The following KHDRBS2 variants were observed in gnomAD, a reference collection of about 807,000 sequenced individuals.
KHDRBS2 encodes KH RNA binding domain containing, signal transduction associated 2.
A neutral mutation model predicts 44.3 loss-of-function variants in KHDRBS2; 26 were observed. The observed-to-expected ratio is 0.59, with a 90% confidence interval of 0.43 to 0.81. The LOEUF (loss-of-function observed/expected upper bound fraction) is 0.81, where lower values mean the gene tolerates loss of function less well. Among genes scored for constraint, KHDRBS2 ranks in the 40% least tolerant of loss-of-function variants. The pLI is 0.00. For synonymous variants in KHDRBS2, 194 were observed against 151.1 expected, an observed-to-expected ratio of 1.28 and a Z score of -2.08; for missense variants, 476 against 433.1, an observed-to-expected ratio of 1.10 and a Z score of -0.88.
At position 61,680,774 on chromosome 6, in the gene KHDRBS2, A is replaced by G. The variant is rs1561962370; in HGVS notation, c.*189T>C. The stretch of plus-strand genomic sequence containing the variant: ...TTTTCAGTCTGTTTTGTAAAATAAT[A>G]CTAGTGTCAATGTCACGCCAACAGT... On this transcript the variant is annotated 3_prime_UTR_variant, in exon 9 of 9. Transcript: ENST00000281156. The G allele has an allele frequency of 2.2e-6, 1 of 459,030 alleles. No homozygotes were observed. Among genetic ancestry groups the G allele is most frequent in the Non-Finnish European group, 3.9e-6 (1 of 255,992 alleles). 28.4% of individuals were successfully genotyped at this position (459,030 alleles called of 1,614,324 possible). A position where few individuals can be genotyped will look rare whatever the true frequency, so the allele number is the denominator to read the frequency against.
intron 1 of KHDRBS2, among the ~76,000 whole-genome samples, chr6:62,185,018 C>T (rs1483182146): frequency 1.3e-5 from 2 of 151,838 alleles, no homozygotes; most frequent in East Asian, 3.9e-4. Context: ...CACCTGCTGG[C>T]TACATGATCT....
chr6:61,891,622 G>A (rs955341658), intron 6 of KHDRBS2, among the ~76,000 whole-genome samples: 1 of 152,046 alleles, frequency 6.6e-6, no homozygotes, highest in Admixed American at 6.6e-5. Flanking sequence ...ACATAACCCA[G>A]CATATAAACA....
chr6:62,201,173 A>G (rs1826905668), intron 1 of KHDRBS2, among the ~76,000 whole-genome samples: 1 of 152,138 alleles, frequency 6.6e-6, no homozygotes, highest in Non-Finnish European at 1.5e-5. Context: ...AACATGGTAC[A>G]TGTATACATA....
chr6:61,605,407 T>C, the KHDRBS2 span, among the ~76,000 whole-genome samples: 1 of 152,180 alleles, frequency 6.6e-6, no homozygotes, highest in African/African-American at 2.4e-5. Context: ...AAACCGCCAC[T>C]CTTAACTCTT....
At chr6:61,965,337 A>C (rs1444745850) in intron 4 of KHDRBS2, among the ~76,000 whole-genome samples, 1 of 152,050 alleles carries the variant, frequency 6.6e-6, no homozygotes, top group Non-Finnish European at 1.5e-5. Context: ...GGTATGGTCA[A>C]CCGCTAGGAC....
At chr6:62,172,094 A>C (rs1415272860) in intron 2 of KHDRBS2, among the ~76,000 whole-genome samples, 2 of 152,164 alleles carry the variant, frequency 1.3e-5, no homozygotes. Context: ...CCTTGAATAT[A>C]AATGGGTGAA....
intron 6 of KHDRBS2, among the ~76,000 whole-genome samples, chr6:61,803,858 A>G (rs1037151990): frequency 6.6e-6 from 1 of 152,042 alleles, no homozygotes; most frequent in African/African-American, 2.4e-5. Flanking sequence ...CAAGAACAGC[A>G]TAGGGGTATC....
chr6:62,075,512 T>C (rs1337176495), intron 2 of KHDRBS2, among the ~76,000 whole-genome samples: 1 of 151,974 alleles, frequency 6.6e-6, no homozygotes, highest in Non-Finnish European at 1.5e-5. Context: ...TTAATGGCTT[T>C]AGTTTGAAAA....
intron 6 of KHDRBS2, among the ~76,000 whole-genome samples, chr6:61,755,678 G>C (rs1452832066): frequency 6.6e-6 from 1 of 151,828 alleles, no homozygotes; most frequent in Non-Finnish European, 1.5e-5. Context: ...GGGTGTGGTG[G>C]TGTGTGCCTG....
chr6:61,990,028 C>A (rs1249943877), intron 3 of KHDRBS2, among the ~76,000 whole-genome samples: 1 of 152,140 alleles, frequency 6.6e-6, no homozygotes, highest in African/African-American at 2.4e-5. Context: ...GCACCAGTTG[C>A]CCACAGTTTT....
rs561762521 is a variant in KHDRBS2 at position 62,072,150 on chromosome 6, A to G, written c.220-24156T>C. Among the ~76,000 whole-genome samples, 6 of 151,988 alleles carry G rather than the reference A, an allele frequency of 3.9e-5. No individual in the cohort carries two copies. The South Asian group carries it at 1.0e-3, about 26-fold the overall frequency. ...TGATTTGGCTCTCTGTTTGTCTGTTATTGGTGTATAAGAGTGCTTGTGATT... is the reference window on the plus strand; with the variant it reads ...TGATTTGGCTCTCTGTTTGTCTGTTGTTGGTGTATAAGAGTGCTTGTGATT... On this transcript the variant is annotated intron_variant, in intron 2 of 8. Transcript: ENST00000281156.
chr6:61,782,290 C>T (rs1783051129), intron 6 of KHDRBS2, among the ~76,000 whole-genome samples: 1 of 101,360 alleles, frequency 9.9e-6, no homozygotes. Context: ...AGGTGGGATG[C>T]CAAGGCCAAG....
rs563912840 is a variant in KHDRBS2, at chr6:62,056,642, C to T, written c.220-8648G>A. Among the ~76,000 whole-genome samples the T allele has an allele frequency of 2.0e-5, 3 of 152,048 alleles. No homozygotes were observed. In the South Asian group the frequency reaches 6.2e-4, roughly 32 times the overall value. ...TTATGTAACTTTTAAAAATTAAGAA[C>T]AATTCAAGTTGAGTTAAATGTCACT... On this transcript the variant is annotated intron_variant, in intron 2 of 8. Coordinates refer to ENST00000281156, the MANE Select transcript of KHDRBS2 (RefSeq NM_152688.4).
rs2150182525 is a variant in KHDRBS2, at chr6:62,262,446, A to G, written c.91+23412T>C. On this transcript the variant is annotated intron_variant, in intron 1 of 8. Coordinates refer to ENST00000281156, the MANE Select transcript of KHDRBS2 (RefSeq NM_152688.4). ...TCTGTCAGCCAAACCATTTGAGGTT[A>G]TATCACAGAATTAATCGTTTCTGTC... 2.0e-5 allele frequency among the ~76,000 whole-genome samples: 3 copies of G among 151,968 alleles called. No individual in the cohort carries two copies. The South Asian group carries it at 6.2e-4, about 32-fold the overall frequency.
At chr6:61,878,271 A>G (rs1562356063) in intron 6 of KHDRBS2, among the ~76,000 whole-genome samples, 2 of 151,914 alleles carry the variant, frequency 1.3e-5, no homozygotes, top group Non-Finnish European at 2.9e-5. Flanking sequence ...ACCCTCCACT[A>G]ATAACCAACT....
intron 4 of KHDRBS2, among the ~76,000 whole-genome samples, chr6:61,947,134 C>A (rs17351031): frequency 6.6e-6 from 1 of 152,124 alleles, no homozygotes; most frequent in African/African-American, 2.4e-5. Flanking sequence ...TCTTTTACAT[C>A]TTGTCCATTG....
intron 6 of KHDRBS2, among the ~76,000 whole-genome samples, chr6:61,807,516 C>A (rs560105062): frequency 1.3e-5 from 2 of 151,898 alleles, no homozygotes; most frequent in South Asian, 2.1e-4. Flanking sequence ...ATGTCCTTTG[C>A]GGCAACATAG....
At chr6:61,630,065 A>T in the KHDRBS2 span, among the ~76,000 whole-genome samples, 1 of 152,192 alleles carries the variant, frequency 6.6e-6, no homozygotes, top group Non-Finnish European at 1.5e-5. Context: ...AATTTCTATC[A>T]ATTCAAAGGG....
At chr6:61,905,473 G>C (rs115064292) in intron 4 of KHDRBS2, among the ~76,000 whole-genome samples, 1 of 152,058 alleles carries the variant, frequency 6.6e-6, no homozygotes, top group Admixed American at 6.6e-5. Context: ...TGAAGGTGGA[G>C]CATTCATATT....
Sources: allele counts gnomAD v4.1 joint callset (sites outside exome capture counted in the v4.1 genomes callset), GRCh38; gene constraint gnomAD v4.1.1; transcripts MANE v1.5; gene names NCBI Gene and HGNC (gene_info 2026-07-23, HGNC 2026-07-21).